ZBTB7C: variants seen among roughly 807,000 people sequenced by gnomAD.
ZBTB7C encodes the protein zinc finger and BTB domain-containing protein 7C.
A neutral mutation model predicts 25.7 loss-of-function variants in ZBTB7C; 8 were observed. The observed-to-expected ratio is 0.31, with a 90% CI of 0.18 to 0.56. ZBTB7C has a LOEUF of 0.56. Among genes scored for constraint, ZBTB7C ranks in the 20% least tolerant of loss-of-function variants. ZBTB7C has a pLI of 0.91. For missense variants in ZBTB7C, 824 were observed against 855.2 expected (o/e 0.96, Z 0.46); for synonymous variants, 394 against 369.0 (o/e 1.07, Z -0.78).
intron 1 of ZBTB7C, among the ~76,000 whole-genome samples, chr18:48,387,945 G>A (rs1355840492): frequency 6.6e-6 from 1 of 152,128 alleles, no homozygotes; most frequent in African/African-American, 2.4e-5. Context: ...TCCTGCCTCA[G>A]CCTCCAGAGT....
chr18:48,043,215 A>G (rs2036329348), intron 3 of ZBTB7C, among the ~76,000 whole-genome samples: 2 of 152,198 alleles, frequency 1.3e-5, no homozygotes, highest in South Asian at 4.1e-4. Context: ...CCGCCATATG[A>G]CCCAGCAATT....
chr18:48,034,905 G>A (rs2035909175), intron 4 of ZBTB7C, among the ~76,000 whole-genome samples: 1 of 152,216 alleles, frequency 6.6e-6, no homozygotes, highest in Admixed American at 6.5e-5. Flanking sequence ...TGGGGCCTTG[G>A]CCTGAGGTCT....
chr18:48,380,857 A>C (rs1568412825), intron 1 of ZBTB7C, among the ~76,000 whole-genome samples: 1 of 152,222 alleles, frequency 6.6e-6, no homozygotes, highest in African/African-American at 2.4e-5. Flanking sequence ...GACGTATACG[A>C]AAGCTCTCTG....
intron 3 of ZBTB7C, among the ~76,000 whole-genome samples, chr18:48,098,923 T>G (rs1427317778): frequency 6.6e-6 from 1 of 152,166 alleles, no homozygotes; most frequent in African/African-American, 2.4e-5. Flanking sequence ...CCAATCAATG[T>G]GGAGAGCAAA....
chr18:48,304,727 G>A (rs1279835667), intron 2 of ZBTB7C, among the ~76,000 whole-genome samples: 3 of 151,488 alleles, frequency 2.0e-5, no homozygotes, highest in Admixed American at 2.0e-4. Context: ...TGTAATCCCA[G>A]CTGCTCAGGA....
intron 3 of ZBTB7C, among the ~76,000 whole-genome samples, chr18:48,170,215 C>T (rs2041422309): frequency 6.6e-6 from 1 of 152,266 alleles, no homozygotes. Flanking sequence ...CCTGCCTCAG[C>T]ATTCTTACTG....
At chr18:48,111,012 G>A (rs1044641799) in intron 3 of ZBTB7C, among the ~76,000 whole-genome samples, 1 of 152,194 alleles carries the variant, frequency 6.6e-6, no homozygotes, top group African/African-American at 2.4e-5. Flanking sequence ...AACAAAGAGA[G>A]CCAGGCCAAG....
intron 3 of ZBTB7C, among the ~76,000 whole-genome samples, chr18:48,054,663 C>G (rs1179895294): frequency 6.6e-6 from 1 of 152,188 alleles, no homozygotes; most frequent in African/African-American, 2.4e-5. Flanking sequence ...CCGTCCACCA[C>G]GAGAACCGCC....
At chr18:48,263,095 C>T (rs142498591) in intron 2 of ZBTB7C, among the ~76,000 whole-genome samples, 9 of 152,340 alleles carry the variant, frequency 5.9e-5, no homozygotes, top group Non-Finnish European at 8.8e-5. Flanking sequence ...GTGCTCCAGC[C>T]TGATTCAACT....
chr18:48,126,850 C>G (rs1003648937), intron 3 of ZBTB7C, among the ~76,000 whole-genome samples: 1 of 137,378 alleles, frequency 7.3e-6, no homozygotes, highest in African/African-American at 2.6e-5. Context: ...TGACTTCTAC[C>G]TTTCCGCCTG....
intron 3 of ZBTB7C, among the ~76,000 whole-genome samples, chr18:48,153,908 C>T (rs2040755627): frequency 6.6e-6 from 1 of 152,318 alleles, no homozygotes; most frequent in South Asian, 2.1e-4. Flanking sequence ...CTGGAAGCCC[C>T]AGGGCCTAGG....
chr18:48,374,714 T>C (rs1460711538), intron 1 of ZBTB7C, among the ~76,000 whole-genome samples: 1 of 152,228 alleles, frequency 6.6e-6, no homozygotes, highest in Admixed American at 6.5e-5. Context: ...ACAGTGCCAC[T>C]AAGACCCAAC....
At chr18:48,196,665 C>T (rs1458901087) in intron 2 of ZBTB7C, among the ~76,000 whole-genome samples, 1 of 152,150 alleles carries the variant, frequency 6.6e-6, no homozygotes, top group Non-Finnish European at 1.5e-5. Flanking sequence ...ATCCTCTCCT[C>T]TTTTAACTTC....
At chr18:48,401,712 T>G (rs2048163020) in intron 1 of ZBTB7C, among the ~76,000 whole-genome samples, 1 of 152,144 alleles carries the variant, frequency 6.6e-6, no homozygotes, top group Admixed American at 6.5e-5. Flanking sequence ...TGCCATTCCC[T>G]GGCTTAGGCA....
intron 1 of ZBTB7C, among the ~76,000 whole-genome samples, chr18:48,403,024 GC>G (rs1380249285): frequency 1.3e-5 from 2 of 152,188 alleles, no homozygotes; most frequent in African/African-American, 4.8e-5. Flanking sequence ...GGCTGAGTGT[GC>G]CCCTGGCCCC....
chr18:48,345,874 C>A (rs919914177), intron 1 of ZBTB7C, among the ~76,000 whole-genome samples: 2 of 152,178 alleles, frequency 1.3e-5, no homozygotes, highest in African/African-American at 4.8e-5. Flanking sequence ...CATCTCTGAA[C>A]CTCAATTACA....
At chr18:48,229,955 G>A (rs116759148) in intron 2 of ZBTB7C, among the ~76,000 whole-genome samples, 2,910 of 152,262 alleles carry the variant, frequency 0.019, 37 homozygotes, top group South Asian at 0.036. Context: ...GGGCTGCCTG[G>A]GAGGCAGCCA....
At chr18:48,298,427 G>A (rs529302701) in intron 2 of ZBTB7C, among the ~76,000 whole-genome samples, 1 of 152,290 alleles carries the variant, frequency 6.6e-6, no homozygotes, top group Admixed American at 6.5e-5. Context: ...GCTGGGCTCT[G>A]GAGGCCATCT....
chr18:48,370,125 A>G (rs1197553077), intron 1 of ZBTB7C, among the ~76,000 whole-genome samples: 8 of 152,212 alleles, frequency 5.3e-5, no homozygotes, highest in African/African-American at 1.9e-4. Context: ...TTAGAACCAA[A>G]GCAACATACT....
Sources: gnomAD v4.1 joint callset for allele counts (sites outside exome capture counted in the v4.1 genomes callset) on GRCh38, gnomAD v4.1.1 for gene constraint, MANE v1.5 for transcripts, NCBI Gene and HGNC (gene_info 2026-07-23, HGNC 2026-07-21) for gene names.